The following UNC93A variants were observed in gnomAD, a reference collection of about 807,000 sequenced individuals.
The protein encoded by UNC93A is N-acetylglucosamine transporter UNC93A.
A neutral mutation model predicts 47.5 loss-of-function variants in UNC93A; 43 were observed. The observed-to-expected ratio is 0.91, with a 90% confidence interval of 0.71 to 1.17. The LOEUF (loss-of-function observed/expected upper bound fraction) is 1.17. Ranked by LOEUF, UNC93A falls within the 50% of genes most tolerant of loss-of-function variation. The probability of loss-of-function intolerance (pLI) is 0.00; values close to 1 mark genes in which losing one functional copy is unlikely to be tolerated. For missense variants in UNC93A, 605 were observed against 577.6 expected (o/e 1.05, Z -0.49); for synonymous variants, 280 against 258.0 (o/e 1.09, Z -0.82).
intron 7 of UNC93A, among the ~76,000 whole-genome samples, chr6:167,313,576 A>C (rs1436359049): frequency 6.6e-6 from 1 of 152,040 alleles, no homozygotes; most frequent in South Asian, 2.1e-4. Flanking sequence ...GCACAATATA[A>C]ATTTCATCTT....
rs957728392 is a variant in UNC93A, at chr6:167,307,257, C to T, written c.977-522C>T. ...GGCCCTCCAGGCTGAGGCTGCGGGT[C>T]ACGCAGCAGGTGTATGGTGCAGAGC... On this transcript the variant is annotated intron_variant, in intron 6 of 7. Transcript: ENST00000230256. Among the ~76,000 whole-genome samples the T allele has an allele frequency of 5.3e-5, 8 of 152,324 alleles. 1 individual carries two copies. The highest frequency in any genetic ancestry group is 1.9e-4 in the African/African-American group (8 of 41,556).
intron 1 of UNC93A, among the ~76,000 whole-genome samples, chr6:167,292,791 G>C (rs1034954063): frequency 6.6e-6 from 1 of 152,122 alleles, no homozygotes; most frequent in Non-Finnish European, 1.5e-5. Context: ...CTGGAAGGAG[G>C]GAGTCTCAAG....
At chr6:167,305,692 G>A (rs982964466) in intron 5 of UNC93A, among the ~76,000 whole-genome samples, 1 of 152,146 alleles carries the variant, frequency 6.6e-6, no homozygotes, top group African/African-American at 2.4e-5. Context: ...AATTTTGTCT[G>A]CAGTTGTCCA....
At chr6:167,280,247 TCC>T (rs1275301832) in intron 1 of UNC93A, among the ~76,000 whole-genome samples, 1 of 152,020 alleles carries the variant, frequency 6.6e-6, no homozygotes, top group Non-Finnish European at 1.5e-5. Context: ...CCCTGCAGGC[TCC>T]CCGTGAGCTC....
At chr6:167,287,304 G>A (rs948075935), upstream of UNC93A, among the ~76,000 whole-genome samples, 8 of 152,160 alleles carry the variant, frequency 5.3e-5, no homozygotes, top group Admixed American at 1.3e-4. Flanking sequence ...GGGTCCAGCC[G>A]AGCTGCTCTC....
chr6:167,285,454 C>G (rs1477598224), intron 1 of UNC93A, among the ~76,000 whole-genome samples: 1 of 151,724 alleles, frequency 6.6e-6, no homozygotes, highest in Non-Finnish European at 1.5e-5. Flanking sequence ...GAGCTGGGGC[C>G]TAAATGATTG....
chr6:167,287,617 G>C (rs1406315326), upstream of UNC93A, among the ~76,000 whole-genome samples: 1 of 152,136 alleles, frequency 6.6e-6, no homozygotes, highest in Non-Finnish European at 1.5e-5. Context: ...AGAAGTGGGT[G>C]CTGTATCCCA....
At chr6:167,295,457 C>CCCTCGTGCTCCTCGCCTG (rs1562349992) in intron 2 of UNC93A, among the ~76,000 whole-genome samples, 1,148 of 108,166 alleles carry the variant, frequency 0.011, 296 homozygotes, top group African/African-American at 0.012. Flanking sequence ...CTCCTCGCCT[C>CCCTCGTGCTCCTCGCCTG]CCTCGTGCTC....
At chr6:167,302,027 G>A (rs1297472351) in intron 4 of UNC93A, among the ~76,000 whole-genome samples, 1 of 152,208 alleles carries the variant, frequency 6.6e-6, no homozygotes, top group East Asian at 1.9e-4. Flanking sequence ...AGAATCTTGA[G>A]TTATGAAATA....
chr6:167,286,128 A>C lies in UNC93A; in HGVS notation c.-51-5311A>C, dbSNP rs1002015004. Among the ~76,000 whole-genome samples, 3 of 148,846 alleles carry C rather than the reference A, an allele frequency of 2.0e-5. 1 individual carries two copies. In the Admixed American group the frequency reaches 2.1e-4, roughly 10 times the overall value. On this transcript the variant is annotated intron_variant, in intron 1 of 3. Coordinates refer to the UNC93A transcript ENST00000503433. ...TATATATGGACATGCATATATACAA[A>C]ATGTGTATATGCATTTTTAGTCAAA...
chr6:167,281,186 C>T (rs1477851834), intron 1 of UNC93A, among the ~76,000 whole-genome samples: 1 of 151,604 alleles, frequency 6.6e-6, no homozygotes, highest in East Asian at 1.9e-4. Context: ...TGAGAGGAGC[C>T]CTAGAAGATC....
upstream of UNC93A, among the ~76,000 whole-genome samples, chr6:167,288,878 C>G: frequency 6.6e-6 from 1 of 152,222 alleles, no homozygotes; most frequent in Non-Finnish European, 1.5e-5. Flanking sequence ...AACACGCGTG[C>G]TCTGAGCTTT....
chr6:167,300,614 C>T (rs1046708806), intron 4 of UNC93A, among the ~76,000 whole-genome samples: 3 of 152,082 alleles, frequency 2.0e-5, no homozygotes, highest in Non-Finnish European at 2.9e-5. Context: ...GGAGGAGCCA[C>T]GGTTTTCTCT....
intron 1 of UNC93A, among the ~76,000 whole-genome samples, chr6:167,280,844 T>C (rs1485672750): frequency 6.6e-6 from 1 of 152,172 alleles, no homozygotes; most frequent in Non-Finnish European, 1.5e-5. Context: ...AGGTTGATAC[T>C]GAAAACGCCC....
At position 167,302,150 on chromosome 6, in the gene UNC93A, A is replaced by G. The variant is rs75573758; in HGVS notation, c.626-1769A>G. The stretch of plus-strand genomic sequence containing the variant: ...CACATTACCAATGGTGCTTTCTGAG[A>G]CAGGTGCTAGGATTCTGCTGTTTCT... On this transcript the variant is annotated intron_variant, in intron 4 of 7. Transcript: ENST00000230256. Among the ~76,000 whole-genome samples, 947 of 152,326 alleles carry G rather than the reference A, an allele frequency of 6.2e-3. 10 individuals are homozygous for G. Among genetic ancestry groups the G allele is most frequent in the Non-Finnish European group, 0.011 (762 of 68,028 alleles).
At chr6:167,283,303 C>T (rs1783663648) in intron 1 of UNC93A, among the ~76,000 whole-genome samples, 1 of 152,166 alleles carries the variant, frequency 6.6e-6, no homozygotes, top group Admixed American at 6.5e-5. Flanking sequence ...CTTATTTCTA[C>T]AAAGAGTCTG....
chr6:167,282,980 G>A (rs1346922125), intron 1 of UNC93A, among the ~76,000 whole-genome samples: 1 of 152,196 alleles, frequency 6.6e-6, no homozygotes, highest in Non-Finnish European at 1.5e-5. Flanking sequence ...GTAAGGGGTT[G>A]TGAAGACCAA....
chr6:167,314,623 C>G (rs898723116), intron 7 of UNC93A, among the ~76,000 whole-genome samples: 16 of 152,208 alleles, frequency 1.1e-4, no homozygotes, highest in African/African-American at 3.9e-4. Context: ...CACCAACGTG[C>G]CTCCCGTTCT....
intron 2 of UNC93A, 99 bp downstream of exon 2, chr6:167,294,797 C>G: frequency 7.5e-7 from 1 of 1,329,112 alleles, no homozygotes; most frequent in Admixed American, 2.2e-5. Context: ...GATTACTGTT[C>G]ACTGCAGGCA....
Sources: gnomAD v4.1 joint callset for allele counts (sites outside exome capture counted in the v4.1 genomes callset) on GRCh38, gnomAD v4.1.1 for gene constraint, MANE v1.5 for transcripts, NCBI Gene and HGNC (gene_info 2026-07-23, HGNC 2026-07-21) for gene names.